Variants in TTC29 observed in about 807,000 individuals in gnomAD.
TTC29 encodes tetratricopeptide repeat domain 29.
In TTC29, 49 loss-of-function variants were observed where a neutral mutation model predicts 58.1. The ratio of observed to expected loss-of-function variants is 0.84; its 90% confidence interval spans 0.67 to 1.07. The LOEUF (loss-of-function observed/expected upper bound fraction) is 1.07, where lower values mean the gene tolerates loss of function less well. Among genes scored for constraint, TTC29 ranks in the 50% least tolerant of loss-of-function variants. TTC29 has a pLI of 0.00. For missense variants in TTC29, 582 were observed against 555.6 expected, an observed-to-expected ratio of 1.05 and a Z score of -0.48; for synonymous variants, 209 against 196.8, an observed-to-expected ratio of 1.06 and a Z score of -0.52.
intron 11 of TTC29, among the ~76,000 whole-genome samples, chr4:146,732,144 C>T (rs1744382756): frequency 6.6e-6 from 1 of 152,094 alleles, no homozygotes; most frequent in African/African-American, 2.4e-5. Flanking sequence ...ATTCAAAACA[C>T]CATCCAATAA....
In TTC29 at chr4:146,945,013, A is replaced by G. The variant is rs1230274687; in HGVS notation, c.-7+18T>C. On this transcript the variant is annotated intron_variant, in intron 2 of 12. Transcript: ENST00000325106. The stretch of plus-strand genomic sequence containing the variant: ...CAGGAAATGAGTTTGAAGGCAAGCC[A>G]TATTTCACGTGACTTACATTTGCAG... 6.6e-6 allele frequency: 1 copy of G among 152,246 alleles called. No individual in the cohort carries two copies. The highest frequency in any genetic ancestry group is 1.5e-5 in the Non-Finnish European group (1 of 68,042). 9.4% of individuals were successfully genotyped at this position (152,246 alleles called of 1,614,324 possible).
intron 11 of TTC29, among the ~76,000 whole-genome samples, chr4:146,732,062 C>A (rs543111888): frequency 6.6e-6 from 1 of 152,062 alleles, no homozygotes; most frequent in East Asian, 1.9e-4. Context: ...AAAATAAATC[C>A]TTTTGTTTGT....
At chr4:146,820,712 A>G (rs1156762944) in intron 9 of TTC29, among the ~76,000 whole-genome samples, 2 of 152,200 alleles carry the variant, frequency 1.3e-5, no homozygotes, top group African/African-American at 4.8e-5. Flanking sequence ...TTGTATACCT[A>G]CAATGAAATA....
chr4:146,748,931 C>T (rs569470412), intron 11 of TTC29, among the ~76,000 whole-genome samples: 54 of 152,170 alleles, frequency 3.5e-4, no homozygotes, highest in Non-Finnish European at 6.8e-4. Context: ...AGAGAATCCA[C>T]AATAATGATC....
chr4:146,866,142 A>C (rs1468263887), intron 8 of TTC29, among the ~76,000 whole-genome samples: 1 of 152,224 alleles, frequency 6.6e-6, no homozygotes, highest in African/African-American at 2.4e-5. Flanking sequence ...AGTACAGGGA[A>C]GGAAAGAAAA....
chr4:146,900,860 T>A (rs1433171077), intron 6 of TTC29, among the ~76,000 whole-genome samples: 2 of 152,174 alleles, frequency 1.3e-5, no homozygotes, highest in Non-Finnish European at 2.9e-5. Flanking sequence ...CCATAAAAAA[T>A]TTAAAAATCA....
In TTC29 at chr4:146,831,874, G is replaced by A. The variant is rs576660652; in HGVS notation, c.977+1932C>T. 6.2e-4 allele frequency: 152 copies of A among 243,534 alleles called. 2 individuals are homozygous for A. The South Asian group carries it at 6.6e-3, about 11-fold the overall frequency. 15.1% of individuals were successfully genotyped at this position (243,534 alleles called of 1,614,324 possible). A position where few individuals can be genotyped will look rare whatever the true frequency, so the allele number is the denominator to read the frequency against. On this transcript the variant is annotated intron_variant, in intron 9 of 12. Coordinates refer to ENST00000325106, the MANE Select transcript of TTC29 (RefSeq NM_031956.4). Reference sequence around the variant, plus strand: ...ATATTTGTCCAGTGAAATTGTAAGCGCTTAGTAGATGTTTATAAATAAATT... The same window carrying A: ...ATATTTGTCCAGTGAAATTGTAAGCACTTAGTAGATGTTTATAAATAAATT...
At chr4:146,892,287 A>C (rs1327190489) in intron 6 of TTC29, among the ~76,000 whole-genome samples, 1 of 152,158 alleles carries the variant, frequency 6.6e-6, no homozygotes, top group Non-Finnish European at 1.5e-5. Flanking sequence ...AGGCCACCAC[A>C]GCCATGCATC....
chr4:146,731,398 G>C (rs540884626), intron 11 of TTC29, among the ~76,000 whole-genome samples: 1 of 152,102 alleles, frequency 6.6e-6, no homozygotes, highest in African/African-American at 2.4e-5. Flanking sequence ...CTTGAGGTTA[G>C]TGATCACAAC....
chr4:146,802,591 GAAAT>G (rs980611684), intron 11 of TTC29, among the ~76,000 whole-genome samples: 2 of 152,084 alleles, frequency 1.3e-5, no homozygotes, highest in African/African-American at 4.8e-5. Context: ...TTCTATGGAG[GAAAT>G]AAATAAATAT....
intron 11 of TTC29, among the ~76,000 whole-genome samples, chr4:146,783,384 A>C (rs1478819950): frequency 6.6e-6 from 1 of 151,802 alleles, no homozygotes; most frequent in East Asian, 1.9e-4. Context: ...ATGTAAATCA[A>C]CTTAGCCTCT....
At chr4:146,871,697 CAAAA>C (rs1415419004) in intron 7 of TTC29, among the ~76,000 whole-genome samples, 15 of 151,442 alleles carry the variant, frequency 9.9e-5, no homozygotes, top group Admixed American at 9.9e-4. Flanking sequence ...ATAAATTTAA[CAAAA>C]GAAGGCAGTA....
intron 11 of TTC29, among the ~76,000 whole-genome samples, chr4:146,728,560 C>G (rs575429341): frequency 6.6e-6 from 1 of 150,758 alleles, no homozygotes; most frequent in Non-Finnish European, 1.5e-5. Context: ...TAAAATTGCC[C>G]CATTTATACA....
intron 8 of TTC29, among the ~76,000 whole-genome samples, chr4:146,847,362 A>G (rs925393505): frequency 2.6e-5 from 4 of 152,176 alleles, no homozygotes; most frequent in Non-Finnish European, 5.9e-5. Context: ...ACTTTATCTA[A>G]TCCCAGCCAG....
At chr4:146,721,070 T>A (rs1260460247) in intron 11 of TTC29, among the ~76,000 whole-genome samples, 1 of 152,150 alleles carries the variant, frequency 6.6e-6, no homozygotes, top group East Asian at 1.9e-4. Flanking sequence ...TGCATGACCC[T>A]CAGAGAAGAA....
intron 11 of TTC29, among the ~76,000 whole-genome samples, chr4:146,726,169 C>A (rs80102142): frequency 1.3e-5 from 2 of 152,044 alleles, no homozygotes; most frequent in Non-Finnish European, 2.9e-5. Context: ...AGCCATCATG[C>A]CAGGTCTAAA....
chr4:146,831,093 T>C lies in TTC29; in HGVS notation c.977+2713A>G, dbSNP rs148723870. The stretch of plus-strand genomic sequence containing the variant: ...AATGCTGCAAAATCACAGATTTGGA[T>C]TGGAAAGCTGGTTGTAGCCTTGGGA... On this transcript the variant is annotated intron_variant, in intron 9 of 12. Transcript: ENST00000325106. 7.9e-5 allele frequency among the ~76,000 whole-genome samples: 12 copies of C among 152,218 alleles called. No individual in the cohort carries two copies. In the East Asian group the frequency reaches 1.7e-3, roughly 22 times the overall value.
chr4:146,940,071 G>T (rs1736231196), intron 2 of TTC29, among the ~76,000 whole-genome samples, 170 bp from the exon 3 acceptor site: 1 of 152,118 alleles, frequency 6.6e-6, no homozygotes, highest in Admixed American at 6.5e-5. Flanking sequence ...TCTGCAGGTT[G>T]CTTCTCTCAT....
intron 11 of TTC29, among the ~76,000 whole-genome samples, chr4:146,753,144 C>A (rs920539576): frequency 6.6e-6 from 1 of 152,112 alleles, no homozygotes; most frequent in African/African-American, 2.4e-5. Context: ...ATTTTTGCAA[C>A]CTACTCATCT....
Sources: gnomAD v4.1 joint callset for allele counts (sites outside exome capture counted in the v4.1 genomes callset) on GRCh38, gnomAD v4.1.1 for gene constraint, MANE v1.5 for transcripts, NCBI Gene and HGNC (gene_info 2026-07-23, HGNC 2026-07-21) for gene names.